AGPAT4: variants seen among roughly 807,000 people sequenced by gnomAD.
AGPAT4 encodes the protein 1-acylglycerol-3-phosphate O-acyltransferase 4.
A neutral mutation model predicts 48.0 loss-of-function variants in AGPAT4; 15 were observed. The ratio of observed to expected loss-of-function variants is 0.31; its 90% confidence interval spans 0.21 to 0.48. The LOEUF (loss-of-function observed/expected upper bound fraction) is 0.48, where lower values mean the gene tolerates loss of function less well. Among genes scored for constraint, AGPAT4 ranks in the 20% least tolerant of loss-of-function variants. The pLI, the probability that AGPAT4 is intolerant of heterozygous loss-of-function variation, is 0.99. For missense variants in AGPAT4, 314 were observed against 482.5 expected (o/e 0.65, Z 3.27); for synonymous variants, 178 against 198.7 (o/e 0.90, Z 0.88).
rs960809006 is a variant in AGPAT4, at chr6:161,198,290, G to A, written c.179-31873C>T. Among the ~76,000 whole-genome samples, 1 of 152,224 alleles carries A rather than the reference G, an allele frequency of 6.6e-6. No individual in the cohort carries two copies. The highest frequency in any genetic ancestry group is 2.4e-5 in the African/African-American group (1 of 41,458). On this transcript the variant is annotated intron_variant, in intron 2 of 8. Transcript: ENST00000320285. This position sits in a 1 kb window ranked among gnomAD's most constrained non-coding sequence, Gnocchi z 4.3. Reference sequence around the variant, plus strand: ...GTAATTTTTCATGCTTTGGCAAGTGGCTCTCAGTTGAGAGTGATTTCACAA... The same window carrying A: ...GTAATTTTTCATGCTTTGGCAAGTGACTCTCAGTTGAGAGTGATTTCACAA...
rs1782110241 is a variant in AGPAT4 at position 161,231,055 on chromosome 6, T to A, written c.178+981A>T. Among the ~76,000 whole-genome samples, 1 of 111,522 alleles carries A rather than the reference T, an allele frequency of 9.0e-6. No homozygotes were observed. The highest frequency in any genetic ancestry group is 7.5e-5 in the Admixed American group (1 of 13,298). The allele number at this position is 111,522 out of a possible 152,430, so 73.2% of individuals were successfully genotyped here. A position where few individuals can be genotyped will look rare whatever the true frequency, so the allele number is the denominator to read the frequency against. On this transcript the variant is annotated intron_variant, in intron 2 of 8. Coordinates refer to ENST00000320285, the MANE Select transcript of AGPAT4 (RefSeq NM_020133.3). This position sits in a 1 kb window ranked among gnomAD's most constrained non-coding sequence, Gnocchi z 5.3. ...TGTCTTGATTCAAATTCAAATTTGA[T>A]CATTTTAAAGGGTATCAAAAATATA...
rs866393948 is a variant in AGPAT4, at chr6:161,206,047, T to C, written c.178+25989A>G. 8.5e-5 allele frequency among the ~76,000 whole-genome samples: 13 copies of C among 152,140 alleles called. No individual in the cohort carries two copies. The highest frequency in any genetic ancestry group is 2.0e-4 in the Admixed American group (3 of 15,270). On this transcript the variant is annotated intron_variant, in intron 2 of 8. Coordinates refer to ENST00000320285, the MANE Select transcript of AGPAT4 (RefSeq NM_020133.3). The surrounding 1 kb of genome is among the most constrained non-coding windows in gnomAD (Gnocchi z 4.8). ...TGGTGGTGAACTCTTTGTACTCGTA[T>C]GTTTTTTCAAGCCCGTGCGATGTAG...
Position 161,147,381 on chromosome 6 carries a change from G to A in AGPAT4, c.768-782C>T, listed in dbSNP as rs577292216. Among the ~76,000 whole-genome samples, 2 of 152,314 alleles carry A rather than the reference G, an allele frequency of 1.3e-5. No homozygotes were observed. Among genetic ancestry groups the A allele is most frequent in the Admixed American group, 6.5e-5 (1 of 15,300 alleles). On this transcript the variant is annotated intron_variant, in intron 6 of 8. Transcript: ENST00000320285. This position sits in a 1 kb window ranked among gnomAD's most constrained non-coding sequence, Gnocchi z 4.8. ...ATTTGTTCTCAGGTTGATGGCTCTT[G>A]TGATTTCAAGGGACGTTCATTTATA...
chr6:161,220,095 A>C lies in AGPAT4; in HGVS notation c.178+11941T>G, dbSNP rs950406046. Among the ~76,000 whole-genome samples, 12 of 152,220 alleles carry C rather than the reference A, an allele frequency of 7.9e-5. No individual in the cohort carries two copies. The highest frequency in any genetic ancestry group is 1.5e-4 in the Non-Finnish European group (10 of 68,036). On this transcript the variant is annotated intron_variant, in intron 2 of 8. Coordinates refer to ENST00000320285, the MANE Select transcript of AGPAT4 (RefSeq NM_020133.3). This position sits in a 1 kb window ranked among gnomAD's most constrained non-coding sequence, Gnocchi z 6.0. Reference sequence around the variant, plus strand: ...CCAGTGTCCTTGCTTATCACTCTCCATTGAATCAGCTTCATGAGACTGATT... The same window carrying C: ...CCAGTGTCCTTGCTTATCACTCTCCCTTGAATCAGCTTCATGAGACTGATT...
rs1380869301 is a variant in AGPAT4, at chr6:161,233,252, A to C, written c.-89-950T>G. Among the ~76,000 whole-genome samples, 1 of 152,172 alleles carries C rather than the reference A, an allele frequency of 6.6e-6. No individual in the cohort carries two copies. The highest frequency in any genetic ancestry group is 6.5e-5 in the Admixed American group (1 of 15,274). On this transcript the variant is annotated intron_variant, in intron 1 of 8. Coordinates refer to ENST00000320285, the MANE Select transcript of AGPAT4 (RefSeq NM_020133.3). The surrounding 1 kb of genome is among the most constrained non-coding windows in gnomAD (Gnocchi z 5.4). ...TCTCCAGCTCAAAACAGAATAATGA[A>C]ATGACTTTACAGTTTGGGAAATAAA...
At position 161,166,379 on chromosome 6, in the gene AGPAT4, A is replaced by G; in HGVS notation, c.217T>C (p.Cys73Arg). The G allele has an allele frequency of 6.2e-7, 1 of 1,613,226 alleles. No homozygotes were observed. The highest frequency in any genetic ancestry group is 8.5e-7 in the Non-Finnish European group (1 of 1,179,524). ...GCGCGCGGGTCCGTGAAGATGGTGC[A>G]TTCCGTGCCCGACCACCACTCCAGC... ...MLLEWWSGTECTIFTDPRAYL... is the reference protein window; with the variant it reads ...MLLEWWSGTERTIFTDPRAYL... Residue 73 changes from cysteine to arginine, a missense_variant, in exon 3 of 9, where the codon TGC becomes CGC. Cys to Arg is a radical substitution (Grantham distance 180, BLOSUM62 -3). Coordinates refer to ENST00000320285, the MANE Select transcript of AGPAT4 (RefSeq NM_020133.3). This position sits in a 1 kb window ranked among gnomAD's most constrained non-coding sequence, Gnocchi z 6.7.
In AGPAT4 at chr6:161,237,105, C is replaced by T. The variant is rs1459093999; in HGVS notation, c.-89-4803G>A. 2.0e-5 allele frequency among the ~76,000 whole-genome samples: 3 copies of T among 152,132 alleles called. No individual in the cohort carries two copies. The East Asian group carries it at 5.8e-4, about 29-fold the overall frequency. On this transcript the variant is annotated intron_variant, in intron 1 of 8. Coordinates refer to ENST00000320285, the MANE Select transcript of AGPAT4 (RefSeq NM_020133.3). The stretch of plus-strand genomic sequence containing the variant: ...AATTTTCCAGAAGGCCGCATCTGAC[C>T]CATGAGCTCAATATGCATCACCTGA...
At chr6:161,176,763 T>C (rs1200812714) in intron 2 of AGPAT4, among the ~76,000 whole-genome samples, 1 of 152,222 alleles carries the variant, frequency 6.6e-6, no homozygotes, top group Non-Finnish European at 1.5e-5. Flanking sequence ...TGGCATGTTT[T>C]TGTAGTGGCT....
At position 161,259,238 on chromosome 6, in the gene AGPAT4, G is replaced by C. The variant is rs1247840344; in HGVS notation, c.-90+14700C>G. Among the ~76,000 whole-genome samples the C allele has an allele frequency of 6.6e-6, 1 of 152,018 alleles. No individual in the cohort carries two copies. The highest frequency in any genetic ancestry group is 1.5e-5 in the Non-Finnish European group (1 of 67,998). On this transcript the variant is annotated intron_variant, in intron 1 of 8. Transcript: ENST00000320285. This position sits in a 1 kb window ranked among gnomAD's most constrained non-coding sequence, Gnocchi z 4.9. ...CACTTCCCATACTTATTTTTCTTAT[G>C]ATGAGAAAGTTTAAAATCTATTCTT... is the stretch of plus-strand genomic sequence containing the variant.
rs879150609 is a variant in AGPAT4, at chr6:161,265,434, C to T, written c.-90+8504G>A. 3.6e-3 allele frequency among the ~76,000 whole-genome samples: 387 copies of T among 108,948 alleles called. 1 individual carries two copies. Among genetic ancestry groups the T allele is most frequent in the African/African-American group, 9.6e-3 (287 of 29,886 alleles). 71.5% of individuals were successfully genotyped at this position (108,948 alleles called of 152,430 possible). ...TACCCACCGCTGGACTGGGTGCTGACTAGTACCCACCGCTGGACTGGGTGC... is the reference window on the plus strand; with the variant it reads ...TACCCACCGCTGGACTGGGTGCTGATTAGTACCCACCGCTGGACTGGGTGC... On this transcript the variant is annotated intron_variant, in intron 1 of 8. Coordinates refer to ENST00000320285, the MANE Select transcript of AGPAT4 (RefSeq NM_020133.3).
Position 161,233,100 on chromosome 6 carries a change from A to G in AGPAT4, c.-89-798T>C, listed in dbSNP as rs1782169486. 6.8e-6 allele frequency among the ~76,000 whole-genome samples: 1 copy of G among 147,816 alleles called. No individual in the cohort carries two copies. Among genetic ancestry groups the G allele is most frequent in the African/African-American group, 2.6e-5 (1 of 38,336 alleles). ...CACACACAGAGACACATAGACACACACACAAACACCACACACACACACACA... is the reference window on the plus strand; with the variant it reads ...CACACACAGAGACACATAGACACACGCACAAACACCACACACACACACACA... On this transcript the variant is annotated intron_variant, in intron 1 of 8. Transcript: ENST00000320285. The surrounding 1 kb of genome is among the most constrained non-coding windows in gnomAD (Gnocchi z 5.4).
At position 161,212,081 on chromosome 6, in the gene AGPAT4, T is replaced by A. The variant is rs146847627; in HGVS notation, c.178+19955A>T. Among the ~76,000 whole-genome samples the A allele has an allele frequency of 6.6e-6, 1 of 152,222 alleles. No homozygotes were observed. The highest frequency in any genetic ancestry group is 1.5e-5 in the Non-Finnish European group (1 of 68,044). The stretch of plus-strand genomic sequence containing the variant: ...CAAGACTAGCATATGGGCCCCTGTG[T>A]CAAATTAACAAAGTTTTCTTGAAGC... On this transcript the variant is annotated intron_variant, in intron 2 of 8. Transcript: ENST00000320285. The surrounding 1 kb of genome is among the most constrained non-coding windows in gnomAD (Gnocchi z 6.1).
In AGPAT4 at chr6:161,245,626, T is replaced by C. The variant is rs960585603; in HGVS notation, c.-89-13324A>G. Reference sequence around the variant, plus strand: ...GACACAAGCAAGTGGCCGTTCATTTTCTTCTGCATCTCAGATACCAGAAAC... The same window carrying C: ...GACACAAGCAAGTGGCCGTTCATTTCCTTCTGCATCTCAGATACCAGAAAC... On this transcript the variant is annotated intron_variant, in intron 1 of 8. Coordinates refer to ENST00000320285, the MANE Select transcript of AGPAT4 (RefSeq NM_020133.3). The surrounding 1 kb of genome is among the most constrained non-coding windows in gnomAD (Gnocchi z 5.2). Among the ~76,000 whole-genome samples the C allele has an allele frequency of 6.6e-6, 1 of 152,186 alleles. No individual in the cohort carries two copies. Among genetic ancestry groups the C allele is most frequent in the African/African-American group, 2.4e-5 (1 of 41,454 alleles).
intron 1 of AGPAT4, among the ~76,000 whole-genome samples, chr6:161,241,418 C>T (rs1192373090): frequency 2.0e-5 from 3 of 152,100 alleles, no homozygotes; most frequent in Admixed American, 6.6e-5. Context: ...ATAAATCATA[C>T]TTAACTTTTT....
At position 161,138,185 on chromosome 6, in the gene AGPAT4, G is replaced by T. The variant is rs571554455; in HGVS notation, c.1042+1237C>A. On this transcript the variant is annotated intron_variant, in intron 8 of 8. Coordinates refer to ENST00000320285, the MANE Select transcript of AGPAT4 (RefSeq NM_020133.3). This position sits in a 1 kb window ranked among gnomAD's most constrained non-coding sequence, Gnocchi z 4.8. ...CCTGGACCTGCCTTAAGGAGATGAG[G>T]TGCTTTCTTCTCCAACCTCTTATTT... Among the ~76,000 whole-genome samples the T allele has an allele frequency of 7.8e-4, 119 of 152,356 alleles. No homozygotes were observed. The highest frequency in any genetic ancestry group is 2.7e-3 in the African/African-American group (111 of 41,580).
At position 161,134,726 on chromosome 6, in the gene AGPAT4, C is replaced by G. The variant is rs1395848104; in HGVS notation, c.*1814G>C. Reference sequence around the variant, plus strand: ...GCGCAGGTCCACTAGGGCGTGCTCACAGACACGCAAGGCTACACACCATGC... The same window carrying G: ...GCGCAGGTCCACTAGGGCGTGCTCAGAGACACGCAAGGCTACACACCATGC... On this transcript the variant is annotated 3_prime_UTR_variant, in exon 9 of 9. Coordinates refer to ENST00000320285, the MANE Select transcript of AGPAT4 (RefSeq NM_020133.3). The G allele has an allele frequency of 6.6e-6, 1 of 152,204 alleles. No individual in the cohort carries two copies. The highest frequency in any genetic ancestry group is 1.5e-5 in the Non-Finnish European group (1 of 68,066). 9.4% of individuals were successfully genotyped at this position (152,204 alleles called of 1,614,324 possible). A position where few individuals can be genotyped will look rare whatever the true frequency, so the allele number is the denominator to read the frequency against.
intron 1 of AGPAT4, among the ~76,000 whole-genome samples, chr6:161,257,183 A>G (rs1005823775): frequency 6.6e-5 from 10 of 152,214 alleles, no homozygotes; most frequent in East Asian, 1.9e-4. Context: ...TGTTCCAAAT[A>G]TCCATCACCC....
Position 161,217,821 on chromosome 6 carries a change from G to A in AGPAT4, c.178+14215C>T, listed in dbSNP as rs1396516015. On this transcript the variant is annotated intron_variant, in intron 2 of 8. Coordinates refer to ENST00000320285, the MANE Select transcript of AGPAT4 (RefSeq NM_020133.3). This position sits in a 1 kb window ranked among gnomAD's most constrained non-coding sequence, Gnocchi z 4.9. Reference sequence around the variant, plus strand: ...TGCCCAGGCCACTGCCCTGGGACAGGACTCACAGGCAGCACAGCTGGTGCC... The same window carrying A: ...TGCCCAGGCCACTGCCCTGGGACAGAACTCACAGGCAGCACAGCTGGTGCC... Among the ~76,000 whole-genome samples, 1 of 152,172 alleles carries A rather than the reference G, an allele frequency of 6.6e-6. No individual in the cohort carries two copies. The highest frequency in any genetic ancestry group is 1.5e-5 in the Non-Finnish European group (1 of 68,046).
Position 161,132,927 on chromosome 6 carries a change from C to T in AGPAT4, c.*3613G>A, listed in dbSNP as rs1362959878. The T allele has an allele frequency of 2.6e-5, 4 of 152,220 alleles. No homozygotes were observed. The highest frequency in any genetic ancestry group is 4.8e-5 in the African/African-American group (2 of 41,452). 9.4% of individuals were successfully genotyped at this position (152,220 alleles called of 1,614,324 possible). On this transcript the variant is annotated 3_prime_UTR_variant, in exon 9 of 9. Coordinates refer to ENST00000320285, the MANE Select transcript of AGPAT4 (RefSeq NM_020133.3). ...ATGTTCTTTTAAACACAAATGGCAG[C>T]TCACAAATATTCCTCTAAATATTCC...
Sources: gnomAD v4.1 joint callset for allele counts (sites outside exome capture counted in the v4.1 genomes callset) on GRCh38, gnomAD v4.1.1 for gene constraint, Gnocchi (gnomAD v3.1) non-coding constraint, MANE v1.5 for transcripts, NCBI Gene and HGNC (gene_info 2026-07-23, HGNC 2026-07-21) for gene names.